Variants in HTR2C observed in about 807,000 individuals in gnomAD.
HTR2C encodes the protein 5-hydroxytryptamine receptor 2C.
HTR2C carries 5 observed loss-of-function variants against 21.0 expected under a neutral mutation model. That is an observed-to-expected ratio of 0.24 (90% CI 0.12 to 0.50). HTR2C has a LOEUF of 0.50. Ranked by LOEUF, HTR2C falls within the 20% of genes least tolerant of loss-of-function variation. The pLI is 0.98. For synonymous variants in HTR2C, 150 were observed against 145.3 expected (o/e 1.03, Z -0.23); for missense variants, 271 against 371.2 (o/e 0.73, Z 2.22).
intron 4 of HTR2C, among the ~76,000 whole-genome samples, chrX:114,783,944 A>G (rs1480634355): frequency 9.0e-6 from 1 of 111,166 alleles, no homozygotes; most frequent in Non-Finnish European, 1.9e-5. Context: ...TTTAAAGCAA[A>G]ATTATCAGGC....
At chrX:114,905,805 C>T (rs1029355285) in intron 5 of HTR2C, among the ~76,000 whole-genome samples, 4 of 111,762 alleles carry the variant, frequency 3.6e-5, no homozygotes, top group African/African-American at 1.3e-4. Context: ...CTGCTCCCAC[C>T]TCCTCATTGA....
chrX:114,644,117 C>CGG (rs1930240186), intron 2 of HTR2C, among the ~76,000 whole-genome samples: 1 of 107,555 alleles, frequency 9.3e-6, no homozygotes, highest in Non-Finnish European at 1.9e-5. Flanking sequence ...CGGAGGCAGG[C>CGG]GGGTCACTTG....
chrX:114,867,082 A>G (rs2071051722), intron 5 of HTR2C, among the ~76,000 whole-genome samples: 1 of 111,609 alleles, frequency 9.0e-6, no homozygotes, highest in Non-Finnish European at 1.9e-5. Flanking sequence ...CCTCCAAACT[A>G]TTCTCCATAG....
chrX:114,671,556 T>G (rs1246858470), intron 2 of HTR2C, among the ~76,000 whole-genome samples: 1 of 112,394 alleles, frequency 8.9e-6, no homozygotes, highest in East Asian at 2.8e-4. Flanking sequence ...AATTCAATTA[T>G]TTTTACATTT....
intron 4 of HTR2C, among the ~76,000 whole-genome samples, chrX:114,810,705 C>T (rs782118887): frequency 9.2e-6 from 1 of 108,546 alleles, no homozygotes; most frequent in East Asian, 2.9e-4. Context: ...TTCCTTAATA[C>T]AATGTTAAAA....
In HTR2C at chrX:114,838,402, T is replaced by C. The variant is rs782644832; in HGVS notation, c.350-9601T>C. Reference sequence around the variant, plus strand: ...ACAGTTGTCCCCACATTCCCATACATCTTAATTAAATTATCAGAATACTGA... The same window carrying C: ...ACAGTTGTCCCCACATTCCCATACACCTTAATTAAATTATCAGAATACTGA... On this transcript the variant is annotated intron_variant, in intron 4 of 5. Coordinates refer to ENST00000276198, the MANE Select transcript of HTR2C (RefSeq NM_000868.4). Among the ~76,000 whole-genome samples the C allele has an allele frequency of 4.5e-5, 5 of 112,192 alleles. No homozygotes were observed. The South Asian group carries it at 1.8e-3, about 41-fold the overall frequency.
intron 2 of HTR2C, among the ~76,000 whole-genome samples, chrX:114,681,986 C>T (rs1931762072): frequency 9.0e-6 from 1 of 110,959 alleles, no homozygotes; most frequent in Non-Finnish European, 1.9e-5. Context: ...ACATGGATTC[C>T]TTATTTTAAT....
intron 2 of HTR2C, among the ~76,000 whole-genome samples, chrX:114,713,926 G>A (rs1235006887): frequency 9.0e-6 from 1 of 111,159 alleles, no homozygotes; most frequent in Non-Finnish European, 1.9e-5. Context: ...TTGTTAGTTC[G>A]AATTTTCTGA....
intron 4 of HTR2C, among the ~76,000 whole-genome samples, chrX:114,812,145 G>T (rs782026171): frequency 1.9e-5 from 2 of 107,317 alleles, no homozygotes; most frequent in East Asian, 5.9e-4. Flanking sequence ...CCCTCCCTGT[G>T]TCCATGTAAT....
Position 114,632,465 on chromosome X carries a change from T to C in HTR2C, c.-80+18584T>C, listed in dbSNP as rs782350614. Among the ~76,000 whole-genome samples the C allele has an allele frequency of 3.6e-5, 4 of 111,703 alleles. No individual in the cohort carries two copies. In the East Asian group the frequency reaches 1.1e-3, roughly 31 times the overall value. ...TTACAATCTTACTATTTTCAGACAA[T>C]TGAGACAAAATGTATCAGTTAAAAA... is the stretch of plus-strand genomic sequence containing the variant. On this transcript the variant is annotated intron_variant, in intron 2 of 5. Transcript: ENST00000276198.
chrX:114,810,661 C>A (rs1189609454), intron 4 of HTR2C, among the ~76,000 whole-genome samples: 1 of 109,252 alleles, frequency 9.2e-6, no homozygotes, highest in Admixed American at 9.9e-5. Flanking sequence ...GTAGGCAATT[C>A]AAGACTGTCT....
intron 4 of HTR2C, among the ~76,000 whole-genome samples, chrX:114,741,520 C>T (rs1324318959): frequency 9.2e-4 from 9 of 9,762 alleles, no homozygotes; most frequent in Middle Eastern, 0.037. Flanking sequence ...AAGACGACTC[C>T]GTCTAAAAAA....
intron 2 of HTR2C, among the ~76,000 whole-genome samples, chrX:114,664,756 A>G (rs1473711018): frequency 9.0e-6 from 1 of 111,646 alleles, no homozygotes; most frequent in Non-Finnish European, 1.9e-5. Flanking sequence ...TTGCTGGGCC[A>G]AAGGGGATTT....
At chrX:114,817,427 C>A (rs1156327186) in intron 4 of HTR2C, among the ~76,000 whole-genome samples, 1 of 111,794 alleles carries the variant, frequency 8.9e-6, no homozygotes, top group Non-Finnish European at 1.9e-5. Context: ...TTTCAAAATT[C>A]TCTCCTTCAT....
Position 114,801,196 on chromosome X carries a change from A to G in HTR2C, c.350-46807A>G, listed in dbSNP as rs2070342820. Among the ~76,000 whole-genome samples the G allele has an allele frequency of 2.7e-5, 3 of 111,495 alleles. No individual in the cohort carries two copies. In the Admixed American group the frequency reaches 2.9e-4, roughly 11 times the overall value. On this transcript the variant is annotated intron_variant, in intron 4 of 5. Coordinates refer to ENST00000276198, the MANE Select transcript of HTR2C (RefSeq NM_000868.4). ...AAGCATACAGTATTAACCCGTAAGC[A>G]TTTAAAAATACTTGTCTAGATCACA...
At chrX:114,680,834 G>A (rs1329306156) in intron 2 of HTR2C, among the ~76,000 whole-genome samples, 1 of 111,290 alleles carries the variant, frequency 9.0e-6, no homozygotes, top group Non-Finnish European at 1.9e-5. Context: ...AAAAAGGCTT[G>A]TGTAGAGACT....
intron 2 of HTR2C, among the ~76,000 whole-genome samples, 185 bp from the exon 3 acceptor site, chrX:114,726,673 A>G (rs1245665328): frequency 8.9e-6 from 1 of 112,656 alleles, no homozygotes; most frequent in Non-Finnish European, 1.9e-5. Flanking sequence ...GCGATGATAA[A>G]TAATTGAAAA....
Position 114,757,574 on chromosome X carries a change from A to G in HTR2C, c.349+25967A>G, listed in dbSNP as rs191071511. 8.1e-3 allele frequency among the ~76,000 whole-genome samples: 909 copies of G among 111,902 alleles called. 18 individuals carry two copies. The highest frequency in any genetic ancestry group is 0.07 in the Admixed American group (734 of 10,473). On this transcript the variant is annotated intron_variant, in intron 4 of 5. Coordinates refer to ENST00000276198, the MANE Select transcript of HTR2C (RefSeq NM_000868.4). ...CAGGTAAACTAGACACTCTGTGCCTATGAACTCAACTTGAAATTCTATAGT... is the reference window on the plus strand; with the variant it reads ...CAGGTAAACTAGACACTCTGTGCCTGTGAACTCAACTTGAAATTCTATAGT...
At chrX:114,633,124 CA>C (rs1206175183) in intron 2 of HTR2C, among the ~76,000 whole-genome samples, 1 of 110,969 alleles carries the variant, frequency 9.0e-6, no homozygotes, top group Non-Finnish European at 1.9e-5. Context: ...CAGAATCTGT[CA>C]ACATTATGTC....
Sources: allele counts gnomAD v4.1 joint callset (sites outside exome capture counted in the v4.1 genomes callset), GRCh38; gene constraint gnomAD v4.1.1; transcripts MANE v1.5; gene names NCBI Gene and HGNC (gene_info 2026-07-23, HGNC 2026-07-21).